Variants in ITIH5 observed in about 807,000 individuals in gnomAD.
ITIH5 encodes the protein inter-alpha-trypsin inhibitor heavy chain 5, also known as inter-alpha-trypsin inhibitor heavy chain H5.
A neutral mutation model predicts 77.5 loss-of-function variants in ITIH5; 65 were observed. The ratio of observed to expected loss-of-function variants is 0.84; its 90% CI spans 0.69 to 1.03. The LOEUF (loss-of-function observed/expected upper bound fraction) is 1.03. Among genes scored for constraint, ITIH5 ranks in the 50% least tolerant of loss-of-function variants. The probability of loss-of-function intolerance (pLI) is 0.00; values close to 1 mark genes in which losing one functional copy is unlikely to be tolerated. For synonymous variants in ITIH5, 525 were observed against 494.3 expected, an observed-to-expected ratio of 1.06 and a Z score of -0.82; for missense variants, 1,208 against 1,213.1, an observed-to-expected ratio of 1.00 and a Z score of 0.06.
intron 2 of ITIH5, among the ~76,000 whole-genome samples, chr10:7,651,068 A>G (rs1439289960): frequency 6.6e-6 from 1 of 150,980 alleles, no homozygotes; most frequent in Non-Finnish European, 1.5e-5. Flanking sequence ...CTGGTCCTCA[A>G]TGAGGTATGA....
chr10:7,625,101 A>T (rs148716673), intron 5 of ITIH5, among the ~76,000 whole-genome samples: 1 of 151,934 alleles, frequency 6.6e-6, no homozygotes, highest in African/African-American at 2.4e-5. Context: ...CAGGCAGAGC[A>T]GGGGCTAATA....
At chr10:7,585,829 A>AAAC in intron 8 of ITIH5, 72 bp downstream of exon 8, 2 of 1,345,826 alleles carry the variant, frequency 1.5e-6, no homozygotes, top group South Asian at 1.5e-5. Context: ...TCTTGGCAAA[A>AAAC]AAAAAAAAAA....
intron 12 of ITIH5, among the ~76,000 whole-genome samples, chr10:7,568,977 T>A (rs1374943302): frequency 1.3e-5 from 2 of 151,384 alleles, no homozygotes; most frequent in African/African-American, 4.9e-5. Context: ...TACACAATAA[T>A]ATATTGTGGT....
chr10:7,645,913 G>T (rs558629197), intron 2 of ITIH5, among the ~76,000 whole-genome samples: 117 of 152,042 alleles, frequency 7.7e-4, no homozygotes, highest in African/African-American at 2.5e-3. Context: ...AACCTGTGGG[G>T]TTTTTTTTAA....
At chr10:7,638,899 G>A (rs1485516830) in intron 4 of ITIH5, among the ~76,000 whole-genome samples, 1 of 152,172 alleles carries the variant, frequency 6.6e-6, no homozygotes, top group Admixed American at 6.5e-5. Context: ...ACTGCTTGCA[G>A]AAACTTGTTC....
Position 7,649,124 on chromosome 10 carries a change from G to A in ITIH5, c.135+6507C>T, listed in dbSNP as rs540552381. Among the ~76,000 whole-genome samples, 18 of 152,040 alleles carry A rather than the reference G, an allele frequency of 1.2e-4. No homozygotes were observed. The South Asian group carries it at 2.5e-3, about 21-fold the overall frequency. On this transcript the variant is annotated intron_variant, in intron 2 of 13. Transcript: ENST00000397146. ...TAGATTATGGGATTGTAAACACGAA[G>A]AACAGAAGCCATGACTACTACTTAC...
intron 10 of ITIH5, among the ~76,000 whole-genome samples, chr10:7,575,373 C>T (rs774477694): frequency 2.6e-5 from 4 of 152,128 alleles, no homozygotes; most frequent in Non-Finnish European, 5.9e-5. Flanking sequence ...ACACCCAGGT[C>T]CTTCTAAGAC....
At chr10:7,582,385 T>C (rs1328651817) in intron 8 of ITIH5, among the ~76,000 whole-genome samples, 1 of 152,158 alleles carries the variant, frequency 6.6e-6, no homozygotes, top group East Asian at 1.9e-4. Flanking sequence ...TCCACTGGAC[T>C]AAGCTACCAA....
At chr10:7,627,462 C>G (rs1833603270) in intron 5 of ITIH5, among the ~76,000 whole-genome samples, 1 of 152,276 alleles carries the variant, frequency 6.6e-6, no homozygotes, top group East Asian at 1.9e-4. Context: ...GGTCAGTAGC[C>G]TGTCCTCAAA....
rs1348298926 is a variant in ITIH5, at chr10:7,569,696, G to A, written c.2121C>T (p.Leu707=). 2 of 1,611,846 alleles carry A rather than the reference G, an allele frequency of 1.2e-6. No individual in the cohort carries two copies. The highest frequency in any genetic ancestry group is 2.2e-5 in the East Asian group (1 of 44,756). Residue 707 remains leucine, a synonymous_variant, in exon 12 of 14, where the codon CTC becomes CTT. Coordinates refer to ENST00000397146, the MANE Select transcript of ITIH5 (RefSeq NM_030569.7). ...FNIDGQPGDI[L]RLVSDHRDSG... Reference sequence around the variant, plus strand: ...AGTCCCTGTGATCAGAGACCAGCCTGAGGATGTCCCCGGGCTGCCCATCAA... The same window carrying A: ...AGTCCCTGTGATCAGAGACCAGCCTAAGGATGTCCCCGGGCTGCCCATCAA...
chr10:7,586,186 G>C (rs1588376358), intron 7 of ITIH5, 117 bp from the exon 8 acceptor site: 6 of 874,884 alleles, frequency 6.9e-6, no homozygotes, highest in Non-Finnish European at 1.0e-5. Flanking sequence ...TTCAGTGTCA[G>C]CTATGTAAAG....
intron 9 of ITIH5, among the ~76,000 whole-genome samples, chr10:7,578,994 A>G (rs1832480496): frequency 6.6e-6 from 1 of 152,260 alleles, no homozygotes; most frequent in Non-Finnish European, 1.5e-5. Context: ...ACTCAAAATG[A>G]ACATAACAGT....
chr10:7,618,232 G>C (rs1833407390), intron 5 of ITIH5: 1 of 151,558 alleles, frequency 6.6e-6, no homozygotes, highest in South Asian at 2.1e-4. Context: ...GACTCCCAAA[G>C]TTCTAGGAGT....
intron 8 of ITIH5, among the ~76,000 whole-genome samples, chr10:7,582,564 A>G (rs1832587661): frequency 6.6e-6 from 1 of 152,160 alleles, no homozygotes; most frequent in Admixed American, 6.6e-5. Flanking sequence ...GACCATCACC[A>G]CCATCCATCA....
intron 5 of ITIH5, chr10:7,617,489 T>C (rs1833393675): frequency 7.7e-6 from 3 of 388,360 alleles, no homozygotes; most frequent in Non-Finnish European, 1.3e-5. Context: ...GAACCTTTTC[T>C]TATGAACATT....
intron 12 of ITIH5, among the ~76,000 whole-genome samples, chr10:7,567,248 TAAG>T (rs750077196): frequency 4.5e-4 from 68 of 152,134 alleles, no homozygotes; most frequent in South Asian, 1.2e-3. Flanking sequence ...GCTGTAGTGA[TAAG>T]AACTCTTATA....
intron 2 of ITIH5, among the ~76,000 whole-genome samples, chr10:7,647,754 G>A (rs1181663148): frequency 3.3e-5 from 5 of 152,072 alleles, no homozygotes; most frequent in Non-Finnish European, 7.4e-5. Flanking sequence ...TTAAAAATAT[G>A]CTTGAAATTT....
chr10:7,613,079 T>C (rs1411863273), intron 7 of ITIH5, among the ~76,000 whole-genome samples: 1 of 152,154 alleles, frequency 6.6e-6, no homozygotes, highest in Non-Finnish European at 1.5e-5. Flanking sequence ...ATCCCACCTC[T>C]ACTAAAAATA....
chr10:7,656,564 C>T (rs929856359), intron 1 of ITIH5, among the ~76,000 whole-genome samples: 2 of 151,978 alleles, frequency 1.3e-5, no homozygotes, highest in African/African-American at 4.8e-5. Context: ...TAACTAGACA[C>T]TCTGGACTAA....
Sources: allele counts gnomAD v4.1 joint callset (sites outside exome capture counted in the v4.1 genomes callset), GRCh38; gene constraint gnomAD v4.1.1; transcripts MANE v1.5; gene names NCBI Gene and HGNC (gene_info 2026-07-23, HGNC 2026-07-21).